The following SEMA3C variants were observed in gnomAD, a reference collection of about 807,000 sequenced individuals.
The protein encoded by SEMA3C is semaphorin 3C.
In SEMA3C, 47 loss-of-function variants were observed where a neutral mutation model predicts 89.4. The observed-to-expected ratio is 0.53, with a 90% CI of 0.42 to 0.67. SEMA3C has a LOEUF of 0.67. SEMA3C is among the 30% of genes least tolerant of loss of function. The pLI, the probability that SEMA3C is intolerant of heterozygous loss-of-function variation, is 0.00. For missense variants in SEMA3C, 839 were observed against 929.1 expected, an observed-to-expected ratio of 0.90 and a Z score of 1.26; for synonymous variants, 310 against 320.2, an observed-to-expected ratio of 0.97 and a Z score of 0.34.
chr7:80,871,238 G>T (rs1408400184), intron 2 of SEMA3C, among the ~76,000 whole-genome samples: 1 of 152,122 alleles, frequency 6.6e-6, no homozygotes, highest in Non-Finnish European at 1.5e-5. Flanking sequence ...AAGATATGCA[G>T]GAAAAGAAAG....
intron 2 of SEMA3C, among the ~76,000 whole-genome samples, chr7:80,873,158 C>T (rs1021191600): frequency 1.3e-5 from 2 of 152,034 alleles, no homozygotes; most frequent in African/African-American, 2.4e-5. Context: ...AAGCAAAAAG[C>T]GTACAGGGCC....
intron 10 of SEMA3C, among the ~76,000 whole-genome samples, chr7:80,800,152 C>CA (rs1215573724): frequency 0.02 from 1,151 of 57,978 alleles, 6 homozygotes; most frequent in African/African-American, 0.032. Context: ...GACTCCATCT[C>CA]AAAAAAAAAA....
intron 2 of SEMA3C, among the ~76,000 whole-genome samples, chr7:80,875,745 C>T (rs140716681): frequency 2.3e-4 from 35 of 151,506 alleles, no homozygotes; most frequent in African/African-American, 8.0e-4. Context: ...TCTAGTAATC[C>T]GTACTTTACT....
chr7:80,765,814 T>C (rs1437576219), intron 12 of SEMA3C, among the ~76,000 whole-genome samples: 1 of 152,130 alleles, frequency 6.6e-6, no homozygotes, highest in Admixed American at 6.5e-5. Flanking sequence ...CCTGATCTCA[T>C]GATGCGCCCA....
Position 80,769,876 on chromosome 7 carries a change from A to C in SEMA3C, c.1355-4633T>G, listed in dbSNP as rs1414203806. Among the ~76,000 whole-genome samples, 11 of 151,396 alleles carry C rather than the reference A, an allele frequency of 7.3e-5. No individual in the cohort carries two copies. The East Asian group carries it at 1.9e-3, about 27-fold the overall frequency. On this transcript the variant is annotated intron_variant, in intron 12 of 17. Coordinates refer to ENST00000265361, the MANE Select transcript of SEMA3C (RefSeq NM_006379.5). Reference sequence around the variant, plus strand: ...TCTGTCCCCCCCCCAAAAAAAAAAAAAAAAAAAAAAAACCACAATACAAAA... The same window carrying C: ...TCTGTCCCCCCCCCAAAAAAAAAAACAAAAAAAAAAAACCACAATACAAAA...
At position 80,918,909 on chromosome 7, in the gene SEMA3C, A is replaced by C. The variant is rs1562986240; in HGVS notation, c.-120T>G. Reference sequence around the variant, plus strand: ...CGCTTGTGTCTCCAGTCCTTTTCCCAGACGACCTTATTTTCTAGCACGTCG... The same window carrying C: ...CGCTTGTGTCTCCAGTCCTTTTCCCCGACGACCTTATTTTCTAGCACGTCG... On this transcript the variant is annotated 5_prime_UTR_variant, in exon 1 of 18. Transcript: ENST00000265361. 1 of 985,324 alleles carries C rather than the reference A, an allele frequency of 1.0e-6. No homozygotes were observed. The highest frequency in any genetic ancestry group is 1.2e-6 in the Non-Finnish European group (1 of 829,940). 61.0% of individuals were successfully genotyped at this position (985,324 alleles called of 1,614,324 possible).
intron 12 of SEMA3C, among the ~76,000 whole-genome samples, chr7:80,772,707 T>G (rs1181584588): frequency 3.3e-5 from 5 of 151,132 alleles, no homozygotes; most frequent in African/African-American, 4.9e-5. Context: ...TGTTTTTTTT[T>G]TTGTTTGTTT....
At chr7:80,755,879 C>G (rs925616452) in intron 15 of SEMA3C, among the ~76,000 whole-genome samples, 1 of 152,146 alleles carries the variant, frequency 6.6e-6, no homozygotes, top group African/African-American at 2.4e-5. Context: ...TGAAAGATCA[C>G]AGAGTAATGA....
intron 2 of SEMA3C, among the ~76,000 whole-genome samples, chr7:80,911,493 T>G (rs548148609): frequency 2.1e-4 from 32 of 152,310 alleles, no homozygotes; most frequent in Admixed American, 1.4e-3. Flanking sequence ...TATCAACATA[T>G]ATGATCAACA....
intron 9 of SEMA3C, among the ~76,000 whole-genome samples, chr7:80,801,273 C>G (rs1021597497): frequency 1.3e-5 from 2 of 151,968 alleles, no homozygotes; most frequent in African/African-American, 4.8e-5. Context: ...ATCTCAATTT[C>G]TTTTTGATCT....
At chr7:80,860,936 T>C (rs7781226) in intron 2 of SEMA3C, among the ~76,000 whole-genome samples, 2,698 of 152,288 alleles carry the variant, frequency 0.018, 85 homozygotes, top group African/African-American at 0.06. Flanking sequence ...TGTTTGTTTA[T>C]TGAGTGCCAG....
intron 5 of SEMA3C, among the ~76,000 whole-genome samples, chr7:80,817,103 A>G (rs1020098157): frequency 6.6e-6 from 1 of 152,218 alleles, no homozygotes; most frequent in Non-Finnish European, 1.5e-5. Context: ...TCCAAAAAGC[A>G]TAACTTTACT....
In SEMA3C at chr7:80,913,356, T is replaced by A. The variant is rs1406697388; in HGVS notation, c.103+3323A>T. ...GTGGAGGTTGCAGTGAGCCAAGATC[T>A]CACCATTGCACTCCAGCCTGGGAGG... On this transcript the variant is annotated intron_variant, in intron 2 of 17. Coordinates refer to ENST00000265361, the MANE Select transcript of SEMA3C (RefSeq NM_006379.5). Among the ~76,000 whole-genome samples the A allele has an allele frequency of 2.6e-5, 4 of 152,038 alleles. No homozygotes were observed. In the East Asian group the frequency reaches 7.8e-4, roughly 29 times the overall value.
chr7:80,908,459 A>G (rs960918759), intron 2 of SEMA3C, among the ~76,000 whole-genome samples: 3 of 152,186 alleles, frequency 2.0e-5, no homozygotes, highest in Non-Finnish European at 4.4e-5. Flanking sequence ...ACTACATTTC[A>G]TATGCTATAA....
In SEMA3C at chr7:80,758,424, T is replaced by G. The variant is rs1473602307; in HGVS notation, c.1550A>C (p.Tyr517Ser). ...SQVSLHRCHI[Y>S]GTACADCCLA... ...GCAGCAGTCAGCACAGGCTGTACCA[T>G]AGATGTGGCAGCGGTGCAGAGATAC... The change falls in exon 15 of 18, where the codon TAT (tyrosine) becomes TCT (serine). Residue 517 changes from tyrosine to serine, a missense_variant. Tyr to Ser is a moderately radical substitution (Grantham distance 144). Transcript: ENST00000265361. 1 of 1,613,986 alleles carries G rather than the reference T, an allele frequency of 6.2e-7. No individual in the cohort carries two copies. Among genetic ancestry groups the G allele is most frequent in the Admixed American group, 1.7e-5 (1 of 60,004 alleles).
upstream of SEMA3C, among the ~76,000 whole-genome samples, chr7:80,921,306 G>A (rs1039070505): frequency 6.6e-6 from 1 of 151,986 alleles, no homozygotes; most frequent in Admixed American, 6.6e-5. Context: ...GTTTACAGTT[G>A]GCCACACCTC....
chr7:80,761,416 ACAAAAATAAACCTATT>A (rs1001759779), intron 14 of SEMA3C, among the ~76,000 whole-genome samples, 184 bp downstream of exon 14: 5 of 152,234 alleles, frequency 3.3e-5, no homozygotes, highest in Non-Finnish European at 5.9e-5. Flanking sequence ...AAACTTTTAT[ACAAAAATAAACCTATT>A]CGGTCTTTCA....
In SEMA3C at chr7:80,824,109, T is replaced by C. The variant is rs191541153; in HGVS notation, c.327+3316A>G. Among the ~76,000 whole-genome samples, 3 of 152,314 alleles carry C rather than the reference T, an allele frequency of 2.0e-5. No individual in the cohort carries two copies. The East Asian group carries it at 5.8e-4, about 29-fold the overall frequency. On this transcript the variant is annotated intron_variant, in intron 4 of 17. Coordinates refer to ENST00000265361, the MANE Select transcript of SEMA3C (RefSeq NM_006379.5). ...ATCTTGTTATAACGTCAATTAAAAT[T>C]TGATACAACCAAAAAATCTGAAGGA...
upstream of SEMA3C, chr7:80,919,221 G>C: frequency 1.0e-6 from 1 of 985,140 alleles, no homozygotes; most frequent in Non-Finnish European, 1.2e-6. Flanking sequence ...GCGCGCCCGC[G>C]AGAGCCTGGC....
Sources: allele counts gnomAD v4.1 joint callset (sites outside exome capture counted in the v4.1 genomes callset), GRCh38; gene constraint gnomAD v4.1.1; transcripts MANE v1.5; gene names NCBI Gene and HGNC (gene_info 2026-07-23, HGNC 2026-07-21).